BAZ1B: variants seen among roughly 807,000 people sequenced by gnomAD.
BAZ1B encodes bromodomain adjacent to zinc finger domain 1B, also known as tyrosine-protein kinase BAZ1B.
Under a neutral mutation model 153.8 loss-of-function variants are expected in BAZ1B, and 22 were observed. That is an observed-to-expected ratio of 0.14 (90% confidence interval 0.10 to 0.20). BAZ1B has a LOEUF of 0.20. Ranked by LOEUF, BAZ1B falls within the 10% of genes least tolerant of loss-of-function variation. BAZ1B has a pLI of 1.00. For missense variants in BAZ1B, 1,325 were observed against 1,799.3 expected (o/e 0.74, Z 4.77); for synonymous variants, 676 against 633.4 (o/e 1.07, Z -1.01).
intron 3 of BAZ1B, 117 bp downstream of exon 3, chr7:73,508,210 C>T (rs1351723907): frequency 2.2e-5 from 25 of 1,143,218 alleles, no homozygotes; most frequent in Non-Finnish European, 2.9e-5. Flanking sequence ...TAATACTTAA[C>T]ATTAAATATA....
intron 4 of BAZ1B, among the ~76,000 whole-genome samples, chr7:73,497,504 ATTT>A (rs1346442208): frequency 6.6e-6 from 1 of 152,130 alleles, no homozygotes; most frequent in Non-Finnish European, 1.5e-5. Context: ...TTCTGTATAT[ATTT>A]TATGGTAGCA....
At chr7:73,509,336 C>CA (rs368866270) in intron 2 of BAZ1B, among the ~76,000 whole-genome samples, 36 of 149,348 alleles carry the variant, frequency 2.4e-4, no homozygotes, top group African/African-American at 2.2e-4. Context: ...AACAAACAAA[C>CA]AAAAAAAAAC....
intron 13 of BAZ1B, 33 bp from the exon 14 acceptor site, chr7:73,451,027 A>G (rs1554568060): frequency 6.2e-7 from 1 of 1,608,532 alleles, no homozygotes; most frequent in Non-Finnish European, 8.5e-7. Context: ...CAGCATTACT[A>G]CACTGACCAA....
At chr7:73,449,150 C>G (rs1235686646) in intron 15 of BAZ1B, among the ~76,000 whole-genome samples, 5 of 152,274 alleles carry the variant, frequency 3.3e-5, no homozygotes, top group African/African-American at 1.2e-4. Flanking sequence ...CCAAGTTCTA[C>G]TCATGATAGG....
chr7:73,461,299 A>T (rs935474701), intron 12 of BAZ1B, among the ~76,000 whole-genome samples: 3 of 152,196 alleles, frequency 2.0e-5, no homozygotes, highest in Non-Finnish European at 2.9e-5. Flanking sequence ...CTCTTAAAAG[A>T]TCAATTAATT....
intron 1 of BAZ1B, among the ~76,000 whole-genome samples, chr7:73,519,673 T>C (rs1039343007): frequency 2.0e-5 from 3 of 152,214 alleles, no homozygotes; most frequent in South Asian, 2.1e-4. Flanking sequence ...AAAGCCTGCG[T>C]TGCCAGTCCT....
chr7:73,498,471 C>CT, intron 4 of BAZ1B, 26 bp downstream of exon 4: 1 of 1,597,004 alleles, frequency 6.3e-7, no homozygotes, highest in South Asian at 1.1e-5. Flanking sequence ...TCATAAAACA[C>CT]TAAGGAAAGC....
chr7:73,498,467 A>T, intron 4 of BAZ1B, 30 bp downstream of exon 4: 1 of 1,592,290 alleles, frequency 6.3e-7, no homozygotes, highest in Non-Finnish European at 8.6e-7. Flanking sequence ...GATCTCATAA[A>T]ACACTAAGGA....
chr7:73,515,093 A>C (rs1790743660), intron 1 of BAZ1B, among the ~76,000 whole-genome samples: 1 of 152,164 alleles, frequency 6.6e-6, no homozygotes, highest in African/African-American at 2.4e-5. Flanking sequence ...AAAAACCTCC[A>C]AACTCACACA....
At position 73,469,602 on chromosome 7, in the gene BAZ1B, G is replaced by A. The variant is rs1788721169; in HGVS notation, c.2781C>T (p.Gly927=). 6.2e-7 allele frequency: 1 copy of A among 1,613,972 alleles called. No individual in the cohort carries two copies. The highest frequency in any genetic ancestry group is 1.7e-5 in the Admixed American group (1 of 60,002). ...DEVPGLFIEK[G]WVHDSIDYRF... ...GGTAGTCAATGCTGTCATGTACCCA[G>A]CCTTTTTCAATGAATAATCCTGGAA... is the stretch of plus-strand genomic sequence containing the variant. Residue 927 remains glycine (G), a synonymous_variant, in exon 9 of 20, where the codon GGC becomes GGT. Coordinates refer to ENST00000339594, the MANE Select transcript of BAZ1B (RefSeq NM_032408.4).
At chr7:73,476,076 T>C (rs556943893) in intron 7 of BAZ1B, among the ~76,000 whole-genome samples, 70 of 152,182 alleles carry the variant, frequency 4.6e-4, no homozygotes, top group Non-Finnish European at 9.0e-4. Context: ...CTATTTATTA[T>C]ACAATTCCAT....
intron 13 of BAZ1B, 22 bp downstream of exon 13, chr7:73,459,514 A>G (rs782366362): frequency 6.2e-7 from 1 of 1,605,288 alleles, no homozygotes; most frequent in Non-Finnish European, 8.5e-7. Flanking sequence ...ATCATAAACT[A>G]CAACTTATAA....
chr7:73,477,596 C>T lies in BAZ1B; in HGVS notation c.1865G>A (p.Gly622Glu). ...MVVEFLSCYS[G>E]LLLPDAQYPI... ...ATACTGAGCATCTGGTAAAAGTAGCCCAGAATAACAGCTCAAGAATTCCAC... is the reference window on the plus strand; with the variant it reads ...ATACTGAGCATCTGGTAAAAGTAGCTCAGAATAACAGCTCAAGAATTCCAC... Residue 622 changes from glycine (G) to glutamate (E), a missense_variant, in exon 7 of 20, where the codon GGG becomes GAG. Around this residue, in one of 9 missense-constraint regions of BAZ1B, gnomAD observed 154 missense variants for 266.3 expected, o/e 0.58. Transcript: ENST00000339594. This position sits in a 1 kb window ranked among gnomAD's most constrained non-coding sequence, Gnocchi z 5.6. 1 of 1,614,150 alleles carries T rather than the reference C, an allele frequency of 6.2e-7. No homozygotes were observed. Among genetic ancestry groups the T allele is most frequent in the Non-Finnish European group, 8.5e-7 (1 of 1,180,016 alleles).
intron 1 of BAZ1B, among the ~76,000 whole-genome samples, chr7:73,514,803 C>T (rs1370642207): frequency 2.6e-5 from 4 of 151,916 alleles, no homozygotes; most frequent in East Asian, 1.9e-4. Flanking sequence ...AAGATTAGCC[C>T]GGGCATGGTG....
intron 1 of BAZ1B, among the ~76,000 whole-genome samples, chr7:73,517,517 A>C (rs1177857156): frequency 6.6e-6 from 1 of 152,146 alleles, no homozygotes; most frequent in Non-Finnish European, 1.5e-5. Flanking sequence ...TGAATAAGAA[A>C]AAAAGGGAAA....
At chr7:73,466,642 G>A (rs1255339629) in intron 9 of BAZ1B, among the ~76,000 whole-genome samples, 1 of 152,094 alleles carries the variant, frequency 6.6e-6, no homozygotes, top group Non-Finnish European at 1.5e-5. Context: ...AAAGTTTAGG[G>A]GTACTGCAAC....
chr7:73,452,918 A>G (rs1554568716), intron 13 of BAZ1B, among the ~76,000 whole-genome samples: 1 of 152,196 alleles, frequency 6.6e-6, no homozygotes, highest in African/African-American at 2.4e-5. Flanking sequence ...GTAAACAATC[A>G]AACAAAACCC....
chr7:73,452,450 G>A lies in BAZ1B; in HGVS notation c.3433-1456C>T, dbSNP rs185368653. On this transcript the variant is annotated intron_variant, in intron 13 of 19. Transcript: ENST00000339594. Reference sequence around the variant, plus strand: ...AAAAGTGATACACGTTCGGCCGGGCGTGGTGGCTCACACCTATAATCCCAG... The same window carrying A: ...AAAAGTGATACACGTTCGGCCGGGCATGGTGGCTCACACCTATAATCCCAG... 5.7e-4 allele frequency among the ~76,000 whole-genome samples: 87 copies of A among 152,238 alleles called. 1 individual carries two copies. The highest frequency in any genetic ancestry group is 1.8e-3 in the African/African-American group (75 of 41,538).
At chr7:73,463,579 A>G (rs1788469839) in intron 11 of BAZ1B, among the ~76,000 whole-genome samples, 1 of 152,186 alleles carries the variant, frequency 6.6e-6, no homozygotes, top group African/African-American at 2.4e-5. Context: ...TTCGATCTTC[A>G]TATTTAGTGA....
Sources: gnomAD v4.1 joint callset for allele counts (sites outside exome capture counted in the v4.1 genomes callset) on GRCh38, gnomAD v4.1.1 for gene constraint, gnomAD v4.1.1 regional missense constraint, Gnocchi (gnomAD v3.1) non-coding constraint, MANE v1.5 for transcripts, NCBI Gene and HGNC (gene_info 2026-07-23, HGNC 2026-07-21) for gene names.